The following DNAH14 variants were observed in gnomAD, a reference collection of about 807,000 sequenced individuals.
DNAH14 encodes dynein axonemal heavy chain 14, also known as axonemal beta dynein heavy chain 14.
Under a neutral mutation model 520.9 loss-of-function variants are expected in DNAH14, and 478 were observed. The ratio of observed to expected loss-of-function variants is 0.92; its 90% CI spans 0.85 to 0.99. The LOEUF (loss-of-function observed/expected upper bound fraction) is 0.99. Among genes scored for constraint, DNAH14 ranks in the 50% least tolerant of loss-of-function variants. DNAH14 has a pLI of 0.00. For missense variants in DNAH14, 4,831 were observed against 5,234.5 expected (o/e 0.92, Z 2.38); for synonymous variants, 1,581 against 1,757.2 (o/e 0.90, Z 2.51).
intron 65 of DNAH14, among the ~76,000 whole-genome samples, chr1:225,332,374 G>T (rs2094816582): frequency 6.6e-6 from 1 of 152,132 alleles, no homozygotes; most frequent in South Asian, 2.1e-4. Flanking sequence ...TGGAACATCA[G>T]CATATCCCAG....
At chr1:224,969,087 A>G (rs2061359074) in intron 7 of DNAH14, 1 of 404,680 alleles carries the variant, frequency 2.5e-6, no homozygotes, top group East Asian at 5.0e-5. Context: ...TTCCTTTCAG[A>G]ATTAATAAAG....
chr1:225,006,640 G>C (rs914276945), intron 9 of DNAH14, among the ~76,000 whole-genome samples: 3 of 152,150 alleles, frequency 2.0e-5, no homozygotes, highest in Non-Finnish European at 4.4e-5. Context: ...TAGTCAGATT[G>C]GTTGTCTGCT....
chr1:224,941,782 T>C (rs1449134756), intron 1 of DNAH14, among the ~76,000 whole-genome samples: 2 of 152,240 alleles, frequency 1.3e-5, no homozygotes, highest in African/African-American at 2.4e-5. Context: ...TCCCCATTGC[T>C]TGTTTTTGTC....
intron 17 of DNAH14, among the ~76,000 whole-genome samples, chr1:225,055,064 G>A (rs1414793194): frequency 1.3e-5 from 2 of 148,470 alleles, no homozygotes; most frequent in Non-Finnish European, 3.0e-5. Context: ...TTTTTACTGT[G>A]TTCATTTTGG....
intron 17 of DNAH14, among the ~76,000 whole-genome samples, chr1:225,064,317 G>T (rs1216895501): frequency 6.6e-6 from 1 of 151,984 alleles, no homozygotes; most frequent in Non-Finnish European, 1.5e-5. Flanking sequence ...TTCATACATT[G>T]CAGATGATAA....
intron 4 of DNAH14, among the ~76,000 whole-genome samples, chr1:224,960,548 A>G (rs1038270603): frequency 2.0e-5 from 3 of 152,144 alleles, no homozygotes; most frequent in African/African-American, 7.2e-5. Flanking sequence ...TCTGAAGGCT[A>G]TGATTTTAGA....
intron 51 of DNAH14, 66 bp downstream of exon 51, chr1:225,272,139 A>G: frequency 7.1e-7 from 1 of 1,404,308 alleles, no homozygotes; most frequent in Admixed American, 2.6e-5. Flanking sequence ...CATACTGTCA[A>G]CATTAGATTG....
At chr1:225,086,049 G>A (rs1249319494) in intron 21 of DNAH14, among the ~76,000 whole-genome samples, 1 of 151,594 alleles carries the variant, frequency 6.6e-6, no homozygotes, top group Admixed American at 6.6e-5. Context: ...TTATAACCAT[G>A]GCTTATCACC....
At chr1:225,378,609 C>T (rs952663483) in intron 79 of DNAH14, among the ~76,000 whole-genome samples, 3 of 152,050 alleles carry the variant, frequency 2.0e-5, no homozygotes, top group East Asian at 1.9e-4. Flanking sequence ...TGGCCGGGCG[C>T]GGTGGGCTCA....
chr1:225,048,561 A>T (rs1416463132), intron 15 of DNAH14, among the ~76,000 whole-genome samples: 1 of 152,142 alleles, frequency 6.6e-6, no homozygotes, highest in African/African-American at 2.4e-5. Context: ...GTCTTTTTTT[A>T]AATTGCTATG....
Position 225,240,723 on chromosome 1 carries a change from A to T in DNAH14, c.6649A>T (p.Ile2217Leu). Residue 2217 changes from isoleucine (I) to leucine (L), a missense_variant, in exon 43 of 86, where the codon ATA (isoleucine) becomes TTA (leucine). Coordinates refer to ENST00000682510, the MANE Select transcript of DNAH14 (RefSeq NM_001367479.1). ...CCGTGAAGATGAACACAGAGAAAAT[A>T]TACCATTTTGTCCCAGTCTTGAACC... is the stretch of plus-strand genomic sequence containing the variant. The part of the protein sequence containing the change: ...LNREDEHREN[I>L]PFCPSLEPDS... 2 of 1,551,010 alleles carry T rather than the reference A, an allele frequency of 1.3e-6. No homozygotes were observed. Among genetic ancestry groups the T allele is most frequent in the South Asian group, 2.4e-5 (2 of 84,022 alleles).
Position 224,954,406 on chromosome 1 carries a change from A to G in DNAH14, c.78-553A>G, listed in dbSNP as rs2125512557. 1.3e-5 allele frequency: 2 copies of G among 152,286 alleles called. 1 individual carries two copies. Among genetic ancestry groups the G allele is most frequent in the African/African-American group, 4.8e-5 (2 of 41,566 alleles). The allele number at this position is 152,286 out of a possible 1,614,324, so 9.4% of individuals were successfully genotyped here. A position where few individuals can be genotyped will look rare whatever the true frequency, so the allele number is the denominator to read the frequency against. The stretch of plus-strand genomic sequence containing the variant: ...CCTAGAATTTTCTCTGCTTTGTAAA[A>G]CTGTGATCTACCATATAAGTCTATT... On this transcript the variant is annotated intron_variant, in intron 2 of 85. Transcript: ENST00000682510.
chr1:225,006,813 C>T (rs1401848300), intron 9 of DNAH14, among the ~76,000 whole-genome samples: 2 of 152,040 alleles, frequency 1.3e-5, no homozygotes, highest in Admixed American at 6.6e-5. Flanking sequence ...TCTCTGTGAC[C>T]CACTCCCTAT....
At chr1:225,270,924 A>C in intron 50 of DNAH14, 58 bp downstream of exon 50, 1 of 1,475,858 alleles carries the variant, frequency 6.8e-7, no homozygotes, top group Non-Finnish European at 9.2e-7. Context: ...ATAAGGAAAA[A>C]TACGAGAACT....
chr1:225,274,197 ATTTTTTTTTTTTT>A (rs869247051), intron 52 of DNAH14, among the ~76,000 whole-genome samples: 8 of 92,888 alleles, frequency 8.6e-5, no homozygotes, highest in Non-Finnish European at 1.7e-4. Context: ...AGCATCTGTT[ATTTTTTTTTTTTT>A]TTTTTTTTTT....
At chr1:225,053,609 A>AG (rs904324083) in intron 17 of DNAH14, among the ~76,000 whole-genome samples, 5 of 152,158 alleles carry the variant, frequency 3.3e-5, no homozygotes, top group Admixed American at 3.3e-4. Context: ...AGTAACAATG[A>AG]GAACTCTGAG....
At chr1:225,025,446 AT>A (rs1415432067) in intron 11 of DNAH14, among the ~76,000 whole-genome samples, 1 of 150,252 alleles carries the variant, frequency 6.7e-6, no homozygotes, top group Non-Finnish European at 1.5e-5. Context: ...GGTTGAATAA[AT>A]TTGGCTGGGC....
At chr1:225,171,348 A>T (rs1311735327) in intron 36 of DNAH14, among the ~76,000 whole-genome samples, 1 of 152,160 alleles carries the variant, frequency 6.6e-6, no homozygotes, top group Non-Finnish European at 1.5e-5. Flanking sequence ...TTTTGAAAAG[A>T]TCAACAAAAT....
chr1:225,203,895 C>T (rs565834833), intron 38 of DNAH14, among the ~76,000 whole-genome samples: 25 of 152,214 alleles, frequency 1.6e-4, no homozygotes, highest in African/African-American at 5.8e-4. Context: ...ATTCAAAGAA[C>T]TTTTGCTTTC....
Sources: allele counts gnomAD v4.1 joint callset (sites outside exome capture counted in the v4.1 genomes callset), GRCh38; gene constraint gnomAD v4.1.1; transcripts MANE v1.5; gene names NCBI Gene and HGNC (gene_info 2026-07-23, HGNC 2026-07-21).